EYS: variants seen among roughly 807,000 people sequenced by gnomAD.
The protein encoded by EYS is EGF-like photoreceptor maintenance factor.
Under a neutral mutation model 282.1 loss-of-function variants are expected in EYS, and 250 were observed. The observed-to-expected ratio is 0.89, with a 90% CI of 0.80 to 0.98. The LOEUF is 0.98. Ranked by LOEUF, EYS falls within the 50% of genes least tolerant of loss-of-function variation. EYS has a pLI of 0.00. For missense variants in EYS, 4,016 were observed against 3,709.0 expected (o/e 1.08, Z -2.15); for synonymous variants, 1,355 against 1,282.9 (o/e 1.06, Z -1.20).
intron 22 of EYS, among the ~76,000 whole-genome samples, chr6:64,746,478 C>T (rs1772559091): frequency 6.6e-6 from 1 of 152,058 alleles, no homozygotes; most frequent in Non-Finnish European, 1.5e-5. Flanking sequence ...AATAACGCAT[C>T]TGTGGTAGTC....
At position 64,436,225 on chromosome 6, in the gene EYS, A is replaced by C; in HGVS notation, c.5876T>G (p.Ile1959Ser). ...GTTGTCCACTCTAACAGTAGTATTA[A>C]TGCTTTTAAATTTTGCTTCACCAGG... The part of the protein sequence containing the change: ...YCPGEAKFKS[I>S]NTTVRVDNGQ... Residue 1959 changes from isoleucine (I) to serine (S), a missense_variant, in exon 28 of 43, where the codon ATT becomes AGT. Physicochemically the swap from Ile to Ser is moderately radical, Grantham distance 142. Transcript: ENST00000503581. The C allele has an allele frequency of 1.3e-6, 2 of 1,544,828 alleles. No individual in the cohort carries two copies. The highest frequency in any genetic ancestry group is 1.8e-6 in the Non-Finnish European group (2 of 1,142,638).
chr6:63,974,484 T>A (rs926253856), intron 35 of EYS, among the ~76,000 whole-genome samples: 3 of 152,050 alleles, frequency 2.0e-5, no homozygotes, highest in African/African-American at 4.8e-5. Flanking sequence ...AGATGGGATT[T>A]AAGCCAGAGA....
intron 35 of EYS, among the ~76,000 whole-genome samples, chr6:63,935,377 G>GT (rs1227879619): frequency 1.3e-5 from 2 of 152,296 alleles, no homozygotes; most frequent in Non-Finnish European, 1.5e-5. Context: ...GAGCTGAATT[G>GT]TTTTTTCCCC....
chr6:65,515,336 G>A (rs973264400), intron 2 of EYS, among the ~76,000 whole-genome samples: 2 of 152,102 alleles, frequency 1.3e-5, no homozygotes, highest in African/African-American at 4.8e-5. Context: ...CTTTTACACT[G>A]TTGGTGGGAC....
rs1337547047 is a variant in EYS at position 63,721,315 on chromosome 6, C to T, written c.8716G>A (p.Ala2906Thr). ...ACAGACTGGTTACATGTATTTCCAG[C>T]CCAATCTGGCAAACATCTGCAAGAA... ...TFSCRCLPDW[A>T]GNTCNQSVSC... is the part of the protein sequence containing the mutation. Residue 2906 changes from alanine to threonine, a missense_variant, in exon 43 of 43, where the codon GCT (alanine) becomes ACT (threonine). Physicochemically the swap from Ala to Thr is moderately conservative, Grantham distance 58. Transcript: ENST00000503581. 1 of 1,551,980 alleles carries T rather than the reference C, an allele frequency of 6.4e-7. No individual in the cohort carries two copies. Among genetic ancestry groups the T allele is most frequent in the Admixed American group, 2.0e-5 (1 of 50,986 alleles).
intron 37 of EYS, among the ~76,000 whole-genome samples, chr6:63,790,564 G>A (rs984351066): frequency 6.6e-6 from 1 of 152,152 alleles, no homozygotes; most frequent in Non-Finnish European, 1.5e-5. Context: ...TCACATTCTG[G>A]TGATTTCTTC....
Position 63,721,418 on chromosome 6 carries a change from T to G in EYS, c.8613A>C (p.Val2871=), listed in dbSNP as rs1177042614. The G allele has an allele frequency of 1.9e-6, 3 of 1,551,622 alleles. No individual in the cohort carries two copies. Among genetic ancestry groups the G allele is most frequent in the Non-Finnish European group, 1.7e-6 (2 of 1,146,946 alleles). ...TEFGAKGGSN[V]GDCDGTACGY... The stretch of plus-strand genomic sequence containing the variant: ...CACAGGCTGTCCCATCACAGTCACC[T>G]ACATTTGAGCCACCTTTTGCTCCAA... The change falls in exon 43 of 43, where the codon GTA becomes GTC. Residue 2871 remains valine (V), a synonymous_variant. Coordinates refer to ENST00000503581, the MANE Select transcript of EYS (RefSeq NM_001142800.2).
intron 36 of EYS, chr6:63,857,345 T>A (rs1461813965): frequency 6.5e-6 from 1 of 153,710 alleles, no homozygotes; most frequent in African/African-American, 2.4e-5. Context: ...CATGGCCACA[T>A]TTTAAGCTCT....
At chr6:64,823,975 C>A (rs567767408) in intron 19 of EYS, among the ~76,000 whole-genome samples, 1 of 151,810 alleles carries the variant, frequency 6.6e-6, no homozygotes. Context: ...ATGAAAATAG[C>A]TGACATGTGA....
At chr6:64,871,531 A>G (rs1216630883) in intron 19 of EYS, among the ~76,000 whole-genome samples, 1 of 151,976 alleles carries the variant, frequency 6.6e-6, no homozygotes, top group East Asian at 1.9e-4. Flanking sequence ...CTTTTGGGAT[A>G]AAAATAAAAG....
chr6:64,890,393 T>G (rs1393238862), intron 18 of EYS, among the ~76,000 whole-genome samples: 1 of 152,116 alleles, frequency 6.6e-6, no homozygotes, highest in African/African-American at 2.4e-5. Flanking sequence ...AACTTGCTGG[T>G]TTTTGCGGCT....
At chr6:63,811,882 T>A (rs918010244) in intron 36 of EYS, among the ~76,000 whole-genome samples, 2 of 152,194 alleles carry the variant, frequency 1.3e-5, no homozygotes, top group Non-Finnish European at 2.9e-5. Flanking sequence ...CTGACGAATA[T>A]GTTAACTTCA....
At chr6:64,387,960 C>A (rs1772967635) in intron 29 of EYS, among the ~76,000 whole-genome samples, 1 of 151,902 alleles carries the variant, frequency 6.6e-6, no homozygotes, top group African/African-American at 2.4e-5. Flanking sequence ...GACTGTGAAA[C>A]AATAGCATTT....
At chr6:65,003,029 C>T (rs1164034343) in intron 13 of EYS, among the ~76,000 whole-genome samples, 1 of 147,150 alleles carries the variant, frequency 6.8e-6, no homozygotes, top group African/African-American at 2.4e-5. Flanking sequence ...TGTGTTTGAG[C>T]AATATGAAAT....
At chr6:63,733,438 CCTCCCTACCCCCT>C (rs1361451184) in intron 41 of EYS, among the ~76,000 whole-genome samples, 1 of 152,016 alleles carries the variant, frequency 6.6e-6, no homozygotes, top group Non-Finnish European at 1.5e-5. Context: ...TGTGCCCCTC[CCTCCCTACCCCCT>C]CTAGTAGACC....
intron 11 of EYS, among the ~76,000 whole-genome samples, chr6:65,312,766 G>A (rs1310912162): frequency 6.6e-6 from 1 of 152,120 alleles, no homozygotes; most frequent in African/African-American, 2.4e-5. Context: ...CAGGAACATG[G>A]GGGCAGAGCT....
chr6:64,145,578 C>T (rs544990795), intron 31 of EYS, among the ~76,000 whole-genome samples: 2 of 152,234 alleles, frequency 1.3e-5, no homozygotes, highest in South Asian at 4.1e-4. Flanking sequence ...CTTTACTTAT[C>T]CTCTTGTTGC....
At chr6:64,266,002 C>T (rs6940639) in intron 30 of EYS, among the ~76,000 whole-genome samples, 106,142 of 151,806 alleles carry the variant, frequency 0.7, 37,147 homozygotes, top group African/African-American at 0.73. Flanking sequence ...CAGGTACTCA[C>T]AGAAGTTTTT....
intron 30 of EYS, among the ~76,000 whole-genome samples, chr6:64,303,753 A>G (rs1327951027): frequency 2.0e-5 from 3 of 147,808 alleles, no homozygotes; most frequent in Non-Finnish European, 4.5e-5. Flanking sequence ...AGGCAGGAGA[A>G]TGGCGTGAAC....
Sources: gnomAD v4.1 joint callset for allele counts (sites outside exome capture counted in the v4.1 genomes callset) on GRCh38, gnomAD v4.1.1 for gene constraint, MANE v1.5 for transcripts, NCBI Gene and HGNC (gene_info 2026-07-23, HGNC 2026-07-21) for gene names.